COPA: variants seen among roughly 807,000 people sequenced by gnomAD.
COPA encodes the protein coatomer subunit alpha.
COPA carries 10 observed loss-of-function variants against 158.7 expected under a neutral mutation model. That is an observed-to-expected ratio of 0.06 (90% CI 0.04 to 0.11). The LOEUF (loss-of-function observed/expected upper bound fraction) is 0.11, where lower values mean the gene tolerates loss of function less well. Among genes scored for constraint, COPA ranks in the 10% least tolerant of loss-of-function variants. COPA has a pLI of 1.00. For missense variants in COPA, 1,065 were observed against 1,536.7 expected (o/e 0.69, Z 5.13); for synonymous variants, 462 against 542.8 (o/e 0.85, Z 2.07).
intron 13 of COPA, 199 bp downstream of exon 13, chr1:160,308,902 A>G (rs544977626): frequency 1.9e-6 from 1 of 527,200 alleles, no homozygotes; most frequent in African/African-American, 2.0e-5. Context: ...ATATATATCT[A>G]GCTGGGGTAA....
At chr1:160,317,567 G>T in intron 8 of COPA, 1 of 1,600,392 alleles carries the variant, frequency 6.2e-7, no homozygotes, top group Non-Finnish European at 8.6e-7. Context: ...CAAAGACAGG[G>T]CGTTCCAATG....
chr1:160,305,364 A>T, intron 17 of COPA, 69 bp downstream of exon 17: 2 of 1,508,854 alleles, frequency 1.3e-6, no homozygotes, highest in East Asian at 4.5e-5. Context: ...CTTCAGTTAC[A>T]TCTCAAGACA....
intron 6 of COPA, among the ~76,000 whole-genome samples, chr1:160,328,216 G>A (rs563475208): frequency 3.9e-5 from 6 of 152,212 alleles, no homozygotes; most frequent in Non-Finnish European, 5.9e-5. Context: ...TTTTTCTAAC[G>A]AGTCTGGTAT....
intron 25 of COPA, 150 bp downstream of exon 25, chr1:160,294,334 G>A: frequency 1.5e-6 from 1 of 646,690 alleles, no homozygotes; most frequent in Non-Finnish European, 2.7e-6. Flanking sequence ...CAGACTAGGA[G>A]GGTCTAGTCC....
At chr1:160,304,299 C>A (rs1658710192) in intron 17 of COPA, among the ~76,000 whole-genome samples, 1 of 150,016 alleles carries the variant, frequency 6.7e-6, no homozygotes, top group South Asian at 2.2e-4. Flanking sequence ...CAGACGTGAG[C>A]CACCACGCCC....
intron 10 of COPA, 150 bp from the exon 11 acceptor site, chr1:160,312,168 T>G: frequency 1.4e-6 from 1 of 736,518 alleles, no homozygotes; most frequent in East Asian, 2.7e-5. Flanking sequence ...ATTCTTGGAA[T>G]CTTTATTTAA....
intron 3 of COPA, among the ~76,000 whole-genome samples, chr1:160,337,644 G>A (rs1262872057): frequency 2.6e-5 from 4 of 152,064 alleles, no homozygotes; most frequent in Admixed American, 6.5e-5. Context: ...ACTTGAACCC[G>A]GGAGGTGGAG....
At chr1:160,297,240 A>G in intron 21 of COPA, 103 bp downstream of exon 21, 1 of 1,028,914 alleles carries the variant, frequency 9.7e-7, no homozygotes, top group East Asian at 2.4e-5. Flanking sequence ...AAAAAAATGC[A>G]CAATAAAGAG....
intron 6 of COPA, 25 bp downstream of exon 6, chr1:160,332,423 T>C (rs1647569277): frequency 6.5e-7 from 1 of 1,540,796 alleles, no homozygotes; most frequent in Non-Finnish European, 8.9e-7. Flanking sequence ...ATGACCAGGT[T>C]GTCCTCTGAA....
At position 160,323,506 on chromosome 1, in the gene COPA, C is replaced by A. The variant is rs754216820; in HGVS notation, c.631G>T (p.Ala211Ser). 1 of 1,610,338 alleles carries A rather than the reference C, an allele frequency of 6.2e-7. No individual in the cohort carries two copies. Among genetic ancestry groups the A allele is most frequent in the Non-Finnish European group, 8.5e-7 (1 of 1,177,884 alleles). ...LEGHDRGVNW[A>S]AFHPTMPLIV... ...AGGGGCATAGTGGGGTGGAAGGCAG[C>A]CCAGTTTACTCCACGATCGTGACCC... is the stretch of plus-strand genomic sequence containing the variant. The change falls in exon 8 of 33, where the codon GCT becomes TCT. Residue 211 changes from alanine (A) to serine (S), a missense_variant. Coordinates refer to ENST00000241704, the MANE Select transcript of COPA (RefSeq NM_004371.4).
chr1:160,302,544 A>G (rs766110027), intron 17 of COPA, among the ~76,000 whole-genome samples: 5 of 145,706 alleles, frequency 3.4e-5, no homozygotes, highest in Admixed American at 2.8e-4. Flanking sequence ...GAATTTCACA[A>G]GTTACTTTTT....
At chr1:160,297,137 A>C (rs1287643417) in intron 21 of COPA, among the ~76,000 whole-genome samples, 1 of 152,134 alleles carries the variant, frequency 6.6e-6, no homozygotes, top group Non-Finnish European at 1.5e-5. Context: ...CTATTCTCCT[A>C]AGGGTGTTTG....
At chr1:160,329,156 T>C (rs1647392273) in intron 6 of COPA, among the ~76,000 whole-genome samples, 1 of 152,158 alleles carries the variant, frequency 6.6e-6, no homozygotes, top group Non-Finnish European at 1.5e-5. Flanking sequence ...AGTATAAAAG[T>C]CTAACCCAAA....
At position 160,313,636 on chromosome 1, in the gene COPA, A is replaced by G. The variant is rs113521563; in HGVS notation, c.842+354T>C. On this transcript the variant is annotated intron_variant, in intron 9 of 32. Transcript: ENST00000241704. ...TCATTGTGTTAGCCAGGATGGTCTC[A>G]ATCTCCTGACCTCGTGATCCACCCG... is the stretch of plus-strand genomic sequence containing the variant. Among the ~76,000 whole-genome samples, 140 of 151,988 alleles carry G rather than the reference A, an allele frequency of 9.2e-4. 2 individuals are homozygous for G. Among genetic ancestry groups the G allele is most frequent in the African/African-American group, 2.5e-3 (105 of 41,472 alleles).
chr1:160,313,581 A>AT (rs1460612158), intron 9 of COPA, among the ~76,000 whole-genome samples: 1 of 151,692 alleles, frequency 6.6e-6, no homozygotes, highest in East Asian at 1.9e-4. Flanking sequence ...CGCCCGGCTA[A>AT]TTTTTTGTAT....
In COPA at chr1:160,339,930, T is replaced by A; in HGVS notation, c.207A>T (p.Gly69=). Residue 69 remains glycine (G), a synonymous_variant, in exon 3 of 33, where the codon GGA becomes GGT. Coordinates refer to ENST00000241704, the MANE Select transcript of COPA (RefSeq NM_004371.4). ...FHKQQPLFVS[G]GDDYKIKVWN... ...GTACCTTAATCTTATAGTCATCTCC[T>A]CCAGAGACGAACAGTGGCTGCTGCT... The A allele has an allele frequency of 6.2e-7, 1 of 1,614,006 alleles. No homozygotes were observed. The highest frequency in any genetic ancestry group is 1.1e-5 in the South Asian group (1 of 91,074).
intron 1 of COPA, among the ~76,000 whole-genome samples, chr1:160,341,519 G>A (rs148665637): frequency 1.3e-3 from 202 of 152,278 alleles, no homozygotes; most frequent in African/African-American, 4.3e-3. Context: ...CTAAAGACCT[G>A]TGAGATTGCT....
chr1:160,340,242 C>A lies in COPA; in HGVS notation c.93G>T (p.Gly31=), dbSNP rs897906684. Residue 31 remains glycine, a synonymous_variant, in exon 2 of 33, where the codon GGG becomes GGT. Coordinates refer to ENST00000241704, the MANE Select transcript of COPA (RefSeq NM_004371.4). ...RPWILTSLHN[G]VIQLWDYRMC... is the part of the protein sequence containing the mutation. ...TCCGATAGTCCCATAACTGGATGAC[C>A]CCATTATGTAAACTAGTCAGGATCC... is the stretch of plus-strand genomic sequence containing the variant. The A allele has an allele frequency of 6.2e-7, 1 of 1,613,666 alleles. No individual in the cohort carries two copies. Among genetic ancestry groups the A allele is most frequent in the Non-Finnish European group, 8.5e-7 (1 of 1,179,936 alleles).
In COPA at chr1:160,311,942, G is replaced by C. The variant is rs752737520; in HGVS notation, c.1002C>G (p.His334Gln). The change falls in exon 11 of 33, where the codon CAC becomes CAG. Residue 334 changes from histidine to glutamine, a missense_variant. Coordinates refer to ENST00000241704, the MANE Select transcript of COPA (RefSeq NM_004371.4). Reference protein sequence around the residue: ...PAYAVHGNMLHYVKDRFLRQL... With the variant: ...PAYAVHGNMLQYVKDRFLRQL... ...GTCGTAAGAATCGGTCCTTGACATAGTGTAGCATATTGCCATGAACAGCAT... is the reference window on the plus strand; with the variant it reads ...GTCGTAAGAATCGGTCCTTGACATACTGTAGCATATTGCCATGAACAGCAT... The C allele has an allele frequency of 6.2e-7, 1 of 1,614,084 alleles. No individual in the cohort carries two copies. The highest frequency in any genetic ancestry group is 1.1e-5 in the South Asian group (1 of 91,062).
Sources: allele counts gnomAD v4.1 joint callset (sites outside exome capture counted in the v4.1 genomes callset), GRCh38; gene constraint gnomAD v4.1.1; transcripts MANE v1.5; gene names NCBI Gene and HGNC (gene_info 2026-07-23, HGNC 2026-07-21).